CYP19A1: variants seen among roughly 807,000 people sequenced by gnomAD.
CYP19A1 encodes the protein aromatase.
Under a neutral mutation model 44.4 loss-of-function variants are expected in CYP19A1, and 32 were observed. That is an observed-to-expected ratio of 0.72 (90% confidence interval 0.54 to 0.97). The LOEUF is 0.97. Among genes scored for constraint, CYP19A1 ranks in the 50% least tolerant of loss-of-function variants. CYP19A1 has a pLI of 0.00. For synonymous variants in CYP19A1, 212 were observed against 215.6 expected, an observed-to-expected ratio of 0.98 and a Z score of 0.14; for missense variants, 598 against 637.8, an observed-to-expected ratio of 0.94 and a Z score of 0.67.
intron 1 of CYP19A1, among the ~76,000 whole-genome samples, chr15:51,275,587 G>A (rs1002778352): frequency 1.3e-5 from 2 of 152,178 alleles, no homozygotes; most frequent in Middle Eastern, 3.2e-3. Context: ...ATGGGGACAC[G>A]GAGACTTCTG....
intron 1 of CYP19A1, among the ~76,000 whole-genome samples, chr15:51,244,069 T>C (rs1327722610): frequency 6.6e-6 from 1 of 152,230 alleles, no homozygotes; most frequent in Non-Finnish European, 1.5e-5. Flanking sequence ...ATCAGACTTG[T>C]GCTGGGTTTC....
At chr15:51,307,565 T>C (rs1427271624) in intron 1 of CYP19A1, among the ~76,000 whole-genome samples, 1 of 152,120 alleles carries the variant, frequency 6.6e-6, no homozygotes, top group East Asian at 1.9e-4. Context: ...CCGGAGCAAG[T>C]ATGTGACAAC....
At chr15:51,326,415 A>G (rs2076557958) in intron 1 of CYP19A1, among the ~76,000 whole-genome samples, 1 of 152,204 alleles carries the variant, frequency 6.6e-6, no homozygotes, top group African/African-American at 2.4e-5. Flanking sequence ...CAGTAACCCA[A>G]CACAGATCTT....
chr15:51,230,062 G>A (rs1350165334), intron 3 of CYP19A1, among the ~76,000 whole-genome samples: 1 of 152,212 alleles, frequency 6.6e-6, no homozygotes, highest in Non-Finnish European at 1.5e-5. Context: ...GCTTGTTAGG[G>A]ACAAAGCTAA....
chr15:51,259,097 T>C (rs1373054907), intron 1 of CYP19A1, among the ~76,000 whole-genome samples: 1 of 152,102 alleles, frequency 6.6e-6, no homozygotes, highest in African/African-American at 2.4e-5. Context: ...ATCCTTGCCC[T>C]CCCGCCATTC....
At chr15:51,227,737 T>A in intron 4 of CYP19A1, 42 bp downstream of exon 4, 1 of 773,846 alleles carries the variant, frequency 1.3e-6, no homozygotes, top group South Asian at 1.5e-5. Flanking sequence ...AAAGGCACAT[T>A]CATAGACAAA....
At chr15:51,336,144 T>A (rs1315353711) in intron 1 of CYP19A1, among the ~76,000 whole-genome samples, 1 of 152,188 alleles carries the variant, frequency 6.6e-6, no homozygotes, top group Admixed American at 6.5e-5. Context: ...AGGAACTGCA[T>A]TCCTTTCTTC....
At position 51,224,974 on chromosome 15, in the gene CYP19A1, C is replaced by T. The variant is rs2032449195; in HGVS notation, c.452-2449G>A. Among the ~76,000 whole-genome samples the T allele has an allele frequency of 2.6e-5, 4 of 152,184 alleles. No homozygotes were observed. The South Asian group carries it at 8.3e-4, about 32-fold the overall frequency. Reference sequence around the variant, plus strand: ...CTTTTGTTTTCTTAATTAGCTTCTACCTTCATTTAAAACTCATTATAAGCA... The same window carrying T: ...CTTTTGTTTTCTTAATTAGCTTCTATCTTCATTTAAAACTCATTATAAGCA... On this transcript the variant is annotated intron_variant, in intron 4 of 9. Transcript: ENST00000396402.
intron 7 of CYP19A1, 67 bp downstream of exon 7, chr15:51,215,636 T>G (rs924771152): frequency 3.1e-6 from 5 of 1,612,688 alleles, no homozygotes; most frequent in African/African-American, 1.3e-5. Flanking sequence ...CAAAAGGGGA[T>G]CTTTACACAC....
chr15:51,229,923 A>G (rs2032897938), intron 3 of CYP19A1, among the ~76,000 whole-genome samples: 1 of 152,268 alleles, frequency 6.6e-6, no homozygotes, highest in Non-Finnish European at 1.5e-5. Context: ...AAAGAGAGTA[A>G]GAAACTCCAA....
chr15:51,295,227 C>T (rs1283459434), intron 1 of CYP19A1, among the ~76,000 whole-genome samples: 1 of 151,278 alleles, frequency 6.6e-6, no homozygotes, highest in African/African-American at 2.4e-5. Flanking sequence ...CTTTTTACTC[C>T]AAGAAGGATC....
At chr15:51,223,583 TCTCTCTCTCTCA>T (rs2032305191) in intron 4 of CYP19A1, among the ~76,000 whole-genome samples, 2 of 83,242 alleles carry the variant, frequency 2.4e-5, no homozygotes, top group African/African-American at 8.5e-5. Context: ...TCTCTCTCTC[TCTCTCTCTCTCA>T]CACACACACA....
Position 51,212,540 on chromosome 15 carries a change from T to C in CYP19A1, c.1043A>G (p.Asp348Gly). ...CATCACTTTTAATTTTTGTATATCATCAATCTTTATGTCTCTCTCACCTGT... is the reference window on the plus strand; with the variant it reads ...CATCACTTTTAATTTTTGTATATCACCAATCTTTATGTCTCTCTCACCTGT... ...TVIGERDIKI[D>G]DIQKLKVMEN... The change falls in exon 9 of 10, where the codon GAT becomes GGT. Residue 348 changes from aspartate (D) to glycine (G), a missense_variant. Physicochemically the swap from Asp to Gly is moderately conservative, Grantham distance 94 (BLOSUM62 -1). Transcript: ENST00000396402. 2.0e-6 allele frequency: 3 copies of C among 1,489,608 alleles called. No individual in the cohort carries two copies. The highest frequency in any genetic ancestry group is 1.9e-6 in the Non-Finnish European group (2 of 1,066,326). The allele number at this position is 1,489,608 out of a possible 1,614,324, so 92.3% of individuals were successfully genotyped here.
intron 3 of CYP19A1, among the ~76,000 whole-genome samples, chr15:51,233,849 C>CAGCTGCCTGGGT (rs1390473988): frequency 6.6e-6 from 1 of 152,114 alleles, no homozygotes; most frequent in African/African-American, 2.4e-5. Context: ...ATTTAGAGTA[C>CAGCTGCCTGGGT]AGCTGCCTGG....
At chr15:51,231,616 C>T (rs555125089) in intron 3 of CYP19A1, among the ~76,000 whole-genome samples, 2 of 151,558 alleles carry the variant, frequency 1.3e-5, no homozygotes, top group South Asian at 4.2e-4. Context: ...AAAGAAAAAC[C>T]ACACATGCGC....
chr15:51,211,330 A>C (rs1422902474), intron 9 of CYP19A1, among the ~76,000 whole-genome samples: 1 of 152,214 alleles, frequency 6.6e-6, no homozygotes, highest in Non-Finnish European at 1.5e-5. Context: ...TATTACAGCA[A>C]GTGTTAGTAT....
At chr15:51,235,061 T>C (rs2033300849) in intron 3 of CYP19A1, among the ~76,000 whole-genome samples, 1 of 152,032 alleles carries the variant, frequency 6.6e-6, no homozygotes, top group East Asian at 1.9e-4. Context: ...GCGGCAAATG[T>C]CCCTACCCCC....
intron 1 of CYP19A1, among the ~76,000 whole-genome samples, chr15:51,280,749 A>G (rs1454668774): frequency 6.6e-6 from 1 of 152,188 alleles, no homozygotes; most frequent in Non-Finnish European, 1.5e-5. Flanking sequence ...CCTTGGAAAA[A>G]AAATTTTGGT....
chr15:51,216,002 T>C (rs977160927), intron 6 of CYP19A1, 185 bp from the exon 7 acceptor site: 70 of 1,207,990 alleles, frequency 5.8e-5, no homozygotes, highest in African/African-American at 7.7e-5. Context: ...CTACACTTCA[T>C]GTTAAGGTGC....
Sources: allele counts gnomAD v4.1 joint callset (sites outside exome capture counted in the v4.1 genomes callset), GRCh38; gene constraint gnomAD v4.1.1; transcripts MANE v1.5; gene names NCBI Gene and HGNC (gene_info 2026-07-23, HGNC 2026-07-21).